The following SOX5 variants were observed in gnomAD, a reference collection of about 807,000 sequenced individuals.
The protein encoded by SOX5 is transcription factor SOX-5.
A neutral mutation model predicts 92.0 loss-of-function variants in SOX5; 9 were observed. The ratio of observed to expected loss-of-function variants is 0.10; its 90% CI spans 0.06 to 0.17. The LOEUF (loss-of-function observed/expected upper bound fraction) is 0.17. SOX5 is among the 10% of genes least tolerant of loss of function. The pLI, the probability that SOX5 is intolerant of heterozygous loss-of-function variation, is 1.00. For synonymous variants in SOX5, 344 were observed against 336.3 expected (o/e 1.02, Z -0.25); for missense variants, 642 against 944.5 (o/e 0.68, Z 4.20).
rs1431136153 is a variant in SOX5 at position 24,393,601 on chromosome 12, A to C, written c.-250-24962T>G. Among the ~76,000 whole-genome samples the C allele has an allele frequency of 6.6e-6, 1 of 152,240 alleles. No homozygotes were observed. The highest frequency in any genetic ancestry group is 1.5e-5 in the Non-Finnish European group (1 of 68,042). On this transcript the variant is annotated intron_variant, in intron 1 of 4. Coordinates refer to the SOX5 transcript ENST00000446891. The surrounding 1 kb of genome is among the most constrained non-coding windows in gnomAD (Gnocchi z 5.0). ...AAAAACATTAAGTAACTAAGCAAAA[A>C]ATTATGAAATAGATAATCTTTTATA...
At chr12:23,987,461 T>C (rs143142714) in intron 4 of SOX5, among the ~76,000 whole-genome samples, 302 of 152,268 alleles carry the variant, frequency 2.0e-3, no homozygotes, top group Middle Eastern at 6.8e-3. Flanking sequence ...GGGTAGCAGA[T>C]AGACAGTACA....
chr12:24,516,350 C>T (rs1949787244), intron 1 of SOX5, among the ~76,000 whole-genome samples: 1 of 152,124 alleles, frequency 6.6e-6, no homozygotes, highest in Admixed American at 6.5e-5. Flanking sequence ...ACCCAGCCAA[C>T]CATGTCAGTT....
chr12:24,434,310 T>G (rs1266952805), intron 1 of SOX5, among the ~76,000 whole-genome samples: 4 of 152,048 alleles, frequency 2.6e-5, no homozygotes, highest in African/African-American at 9.7e-5. Flanking sequence ...ACTCATAGAG[T>G]ATGAACTGAA....
At chr12:24,403,115 C>T (rs1358239401) in intron 1 of SOX5, among the ~76,000 whole-genome samples, 1 of 152,168 alleles carries the variant, frequency 6.6e-6, no homozygotes, top group Non-Finnish European at 1.5e-5. Flanking sequence ...AATATTATTT[C>T]CATCTTCTCA....
chr12:24,416,975 C>T (rs1965123492), intron 1 of SOX5, among the ~76,000 whole-genome samples: 1 of 152,182 alleles, frequency 6.6e-6, no homozygotes, highest in South Asian at 2.1e-4. Context: ...TTTCCTCCCG[C>T]TGCATCGTAG....
intron 2 of SOX5, among the ~76,000 whole-genome samples, chr12:23,854,014 G>C: frequency 6.6e-6 from 1 of 152,006 alleles, no homozygotes. Flanking sequence ...TAAATCTCTA[G>C]AACCTTTTTA....
intron 1 of SOX5, among the ~76,000 whole-genome samples, chr12:24,422,708 G>T (rs1966122032): frequency 1.3e-5 from 2 of 152,168 alleles, no homozygotes; most frequent in Non-Finnish European, 2.9e-5. Context: ...TATAAAAAAG[G>T]TAACAATTTA....
intron 1 of SOX5, among the ~76,000 whole-genome samples, chr12:24,432,767 G>T (rs1828134): frequency 6.6e-6 from 1 of 151,926 alleles, no homozygotes; most frequent in South Asian, 2.1e-4. Context: ...AGCCAAGATC[G>T]CACCACTGCA....
chr12:23,976,393 AAAAACAAAAAAAC>A (rs1189942832), intron 4 of SOX5, among the ~76,000 whole-genome samples: 7 of 120,870 alleles, frequency 5.8e-5, no homozygotes, highest in African/African-American at 2.2e-4. Context: ...ACACTATTAA[AAAAACAAAAAAAC>A]AAAAAAAAAA....
At chr12:24,411,066 A>G (rs1428366305) in intron 1 of SOX5, among the ~76,000 whole-genome samples, 2 of 152,216 alleles carry the variant, frequency 1.3e-5, no homozygotes, top group Non-Finnish European at 2.9e-5. Flanking sequence ...GACTGTAAAT[A>G]GTATTGCATT....
chr12:23,665,293 ACACACTTCTC>A lies in SOX5; in HGVS notation c.931+141_931+150del. 4 of 840,370 alleles carry A rather than the reference ACACACTTCTC, an allele frequency of 4.8e-6. No individual in the cohort carries two copies. In the South Asian group the frequency reaches 6.0e-5, roughly 13 times the overall value. The allele number at this position is 840,370 out of a possible 1,614,324, so 52.1% of individuals were successfully genotyped here. On this transcript the variant is annotated intron_variant, in intron 7 of 14. Transcript: ENST00000451604. ...TTTAATCTAAGTCCTTTAAGTACTA[ACACACTTCTC>A]CACACATTCTGTGTGTTTCCTCTTT...
intron 1 of SOX5, among the ~76,000 whole-genome samples, chr12:23,937,597 A>G (rs767601609): frequency 6.6e-6 from 1 of 150,964 alleles, no homozygotes; most frequent in Non-Finnish European, 1.5e-5. Flanking sequence ...TAAAGCAAAC[A>G]GTACTTTATC....
At chr12:23,658,011 T>C (rs1304597840) in intron 7 of SOX5, among the ~76,000 whole-genome samples, 1 of 152,188 alleles carries the variant, frequency 6.6e-6, no homozygotes, top group African/African-American at 2.4e-5. Context: ...TTTGCTTGTG[T>C]GTACGTATTT....
intron 2 of SOX5, among the ~76,000 whole-genome samples, chr12:24,282,577 T>C (rs1410428829): frequency 6.6e-6 from 1 of 151,218 alleles, no homozygotes; most frequent in African/African-American, 2.4e-5. Context: ...AAACAATAGA[T>C]AACTCAAAAA....
chr12:23,980,467 T>C (rs1011145973), intron 4 of SOX5, among the ~76,000 whole-genome samples: 10 of 152,156 alleles, frequency 6.6e-5, no homozygotes, highest in Non-Finnish European at 1.2e-4. Context: ...TGTAGTAAGA[T>C]GTATGTCCTG....
At chr12:23,791,960 A>T (rs1308579425) in intron 3 of SOX5, among the ~76,000 whole-genome samples, 1 of 152,010 alleles carries the variant, frequency 6.6e-6, no homozygotes, top group Admixed American at 6.6e-5. Flanking sequence ...AGCAAAAATT[A>T]GTAGGGGATA....
chr12:23,681,650 C>T (rs948683535), intron 6 of SOX5, among the ~76,000 whole-genome samples: 14 of 151,746 alleles, frequency 9.2e-5, no homozygotes, highest in Admixed American at 2.6e-4. Context: ...ATTGTGGATA[C>T]GGAGCTTCTA....
intron 1 of SOX5, among the ~76,000 whole-genome samples, chr12:24,450,140 AATTTATGAAATTCAC>A (rs1165131845): frequency 2.0e-5 from 3 of 152,188 alleles, no homozygotes; most frequent in Non-Finnish European, 2.9e-5. Flanking sequence ...GACTTGAGAT[AATTTATGAAATTCAC>A]ATTTATGAAA....
chr12:24,518,807 T>C (rs551299096), intron 1 of SOX5, among the ~76,000 whole-genome samples: 2 of 152,360 alleles, frequency 1.3e-5, no homozygotes. Flanking sequence ...TTCAACCATA[T>C]GCTTCACTTT....
Sources: gnomAD v4.1 joint callset for allele counts (sites outside exome capture counted in the v4.1 genomes callset) on GRCh38, gnomAD v4.1.1 for gene constraint, Gnocchi (gnomAD v3.1) non-coding constraint, MANE v1.5 for transcripts, NCBI Gene and HGNC (gene_info 2026-07-23, HGNC 2026-07-21) for gene names.